Variants in RAB6B observed in about 807,000 individuals in gnomAD.
RAB6B encodes the protein ras-related protein Rab-6B.
RAB6B carries 7 observed loss-of-function variants against 31.2 expected under a neutral mutation model. The ratio of observed to expected loss-of-function variants is 0.22; its 90% confidence interval spans 0.13 to 0.42. RAB6B has a LOEUF of 0.42. Among genes scored for constraint, RAB6B ranks in the 10% least tolerant of loss-of-function variants. The pLI, the probability that RAB6B is intolerant of heterozygous loss-of-function variation, is 1.00. For missense variants in RAB6B, 149 were observed against 280.6 expected (o/e 0.53, Z 3.35); for synonymous variants, 105 against 104.9 (o/e 1.00, Z -0.01).
intron 1 of RAB6B, among the ~76,000 whole-genome samples, chr3:133,890,834 A>C (rs1267196591): frequency 2.6e-5 from 4 of 152,226 alleles, no homozygotes; most frequent in African/African-American, 4.8e-5. Flanking sequence ...GTACCTGAAA[A>C]AGTTAACATT....
Position 133,828,113 on chromosome 3 carries a change from G to T in RAB6B, c.*675C>A. 6.3e-6 allele frequency: 4 copies of T among 637,334 alleles called. No individual in the cohort carries two copies. Among genetic ancestry groups the T allele is most frequent in the Non-Finnish European group, 1.1e-5 (4 of 350,900 alleles). The allele number at this position is 637,334 out of a possible 1,614,324, so 39.5% of individuals were successfully genotyped here. A position where few individuals can be genotyped will look rare whatever the true frequency, so the allele number is the denominator to read the frequency against. On this transcript the variant is annotated 3_prime_UTR_variant, in exon 8 of 8. Transcript: ENST00000285208. ...AAGGAGAGGTGGGAGCAGTTCCTCT[G>T]GGGGCTGCTGCCGGGCTGCCTAGAG...
rs540150768 is a variant in RAB6B at position 133,831,674 on chromosome 3, G to C, written c.563-2822C>G. On this transcript the variant is annotated intron_variant, in intron 7 of 7. Transcript: ENST00000285208. ...GGACCCATGTCTAAATAATGTCCCA[G>C]AAGGGGAAACTCACGGTTTCTCACA... 1.4e-4 allele frequency among the ~76,000 whole-genome samples: 21 copies of C among 152,342 alleles called. No individual in the cohort carries two copies. The South Asian group carries it at 4.3e-3, about 32-fold the overall frequency.
At chr3:133,889,028 G>A (rs142491430) in intron 1 of RAB6B, among the ~76,000 whole-genome samples, 25 of 152,266 alleles carry the variant, frequency 1.6e-4, no homozygotes, top group Admixed American at 6.5e-4. Flanking sequence ...AATGGCAGAC[G>A]CAGAGAAAAT....
In RAB6B at chr3:133,895,481, G is replaced by A; in HGVS notation, c.-15C>T. The A allele has an allele frequency of 1.2e-6, 2 of 1,611,510 alleles. No homozygotes were observed. The highest frequency in any genetic ancestry group is 1.7e-6 in the Non-Finnish European group (2 of 1,178,768). ...CCTGCGGACATGGTGCTGGCAGCCGGGGCCGGGAGAGGAGGAGGAGGAAAA... is the reference window on the plus strand; with the variant it reads ...CCTGCGGACATGGTGCTGGCAGCCGAGGCCGGGAGAGGAGGAGGAGGAAAA... On this transcript the variant is annotated 5_prime_UTR_variant, in exon 1 of 8. Coordinates refer to ENST00000285208, the MANE Select transcript of RAB6B (RefSeq NM_016577.4).
rs1176822717 is a variant in RAB6B, at chr3:133,828,522, A to T, written c.*266T>A. 1.9e-5 allele frequency: 9 copies of T among 479,340 alleles called. No homozygotes were observed. The highest frequency in any genetic ancestry group is 7.8e-5 in the Admixed American group (2 of 25,782). The allele number at this position is 479,340 out of a possible 1,614,324, so 29.7% of individuals were successfully genotyped here. A position where few individuals can be genotyped will look rare whatever the true frequency, so the allele number is the denominator to read the frequency against. Reference sequence around the variant, plus strand: ...TATACACATGATTTAAATTTTTTTTAAATTTTAACAGTTTTTGGCAATCTT... The same window carrying T: ...TATACACATGATTTAAATTTTTTTTTAATTTTAACAGTTTTTGGCAATCTT... On this transcript the variant is annotated 3_prime_UTR_variant, in exon 8 of 8. Coordinates refer to ENST00000285208, the MANE Select transcript of RAB6B (RefSeq NM_016577.4).
chr3:133,884,108 A>G (rs1936505925), intron 1 of RAB6B, among the ~76,000 whole-genome samples: 1 of 152,214 alleles, frequency 6.6e-6, no homozygotes, highest in Admixed American at 6.5e-5. Flanking sequence ...GTGACTGAAA[A>G]ATGCTGTAAT....
chr3:133,872,226 C>T (rs763110706), intron 1 of RAB6B, among the ~76,000 whole-genome samples: 28 of 152,364 alleles, frequency 1.8e-4, no homozygotes, highest in Non-Finnish European at 3.8e-4. Flanking sequence ...CCAGTCCTAG[C>T]AGAGACCCGC....
In RAB6B at chr3:133,895,776, G is replaced by C. The variant is rs1337880808; in HGVS notation, c.-310C>G. On this transcript the variant is annotated 5_prime_UTR_variant, in exon 1 of 8. Transcript: ENST00000285208. Reference sequence around the variant, plus strand: ...AGGCGCGGCGCTGGGAGAGAGGCGCGGGCGGAGCGGGGCGCAGGGACGGCG... The same window carrying C: ...AGGCGCGGCGCTGGGAGAGAGGCGCCGGCGGAGCGGGGCGCAGGGACGGCG... 2.8e-6 allele frequency: 1 copy of C among 361,558 alleles called. No homozygotes were observed. Among genetic ancestry groups the C allele is most frequent in the African/African-American group, 2.1e-5 (1 of 46,680 alleles). The allele number at this position is 361,558 out of a possible 1,614,324, so 22.4% of individuals were successfully genotyped here.
rs1559917479 is a variant in RAB6B at position 133,895,588 on chromosome 3, G to A, written c.-122C>T. ...GGAGCCGGAGGGGGAAGGGCTGGCT[G>A]CGCGCGTCCCTGACTCCCCAGCTGC... On this transcript the variant is annotated 5_prime_UTR_variant, in exon 1 of 8. Coordinates refer to ENST00000285208, the MANE Select transcript of RAB6B (RefSeq NM_016577.4). 2.1e-6 allele frequency: 2 copies of A among 963,026 alleles called. No individual in the cohort carries two copies. Among genetic ancestry groups the A allele is most frequent in the Non-Finnish European group, 3.2e-6 (2 of 634,376 alleles). 59.7% of individuals were successfully genotyped at this position (963,026 alleles called of 1,614,324 possible).
chr3:133,893,082 C>T (rs528892586), intron 1 of RAB6B, among the ~76,000 whole-genome samples: 2 of 152,348 alleles, frequency 1.3e-5, no homozygotes, highest in African/African-American at 4.8e-5. Context: ...ATAGCAGTGA[C>T]TCTCTAATGA....
Position 133,825,026 on chromosome 3 carries a change from C to T in RAB6B, c.*3762G>A, listed in dbSNP as rs138782778. Reference sequence around the variant, plus strand: ...GCTTCACATAGCTGTAACAAGGTGACAATGCCTCACATTCTTTGGGGAGAG... The same window carrying T: ...GCTTCACATAGCTGTAACAAGGTGATAATGCCTCACATTCTTTGGGGAGAG... On this transcript the variant is annotated 3_prime_UTR_variant, in exon 8 of 8. Transcript: ENST00000285208. The T allele has an allele frequency of 6.6e-6, 1 of 152,286 alleles. No individual in the cohort carries two copies. The highest frequency in any genetic ancestry group is 1.5e-5 in the Non-Finnish European group (1 of 68,030). The allele number at this position is 152,286 out of a possible 1,614,324, so 9.4% of individuals were successfully genotyped here. A position where few individuals can be genotyped will look rare whatever the true frequency, so the allele number is the denominator to read the frequency against.
At position 133,842,796 on chromosome 3, in the gene RAB6B, C is replaced by G. The variant is rs1454545968; in HGVS notation, c.130-1133G>C. Reference sequence around the variant, plus strand: ...GGTCTGAATAGTGACAGAGCATTTTCTTTCCTTCATTACACTCCTTCATTA... The same window carrying G: ...GGTCTGAATAGTGACAGAGCATTTTGTTTCCTTCATTACACTCCTTCATTA... On this transcript the variant is annotated intron_variant, in intron 2 of 7. Coordinates refer to ENST00000285208, the MANE Select transcript of RAB6B (RefSeq NM_016577.4). 2.0e-5 allele frequency among the ~76,000 whole-genome samples: 3 copies of G among 152,232 alleles called. No homozygotes were observed. The East Asian group carries it at 5.8e-4, about 29-fold the overall frequency.
At chr3:133,859,993 C>G (rs180890397) in intron 2 of RAB6B, among the ~76,000 whole-genome samples, 1 of 152,120 alleles carries the variant, frequency 6.6e-6, no homozygotes, top group Non-Finnish European at 1.5e-5. Flanking sequence ...CTCACCAGGT[C>G]GAGATGCTGG....
intron 1 of RAB6B, among the ~76,000 whole-genome samples, chr3:133,890,960 G>C (rs1030745774): frequency 1.3e-5 from 2 of 152,350 alleles, no homozygotes; most frequent in East Asian, 3.9e-4. Context: ...GTGTGGCCAG[G>C]TGGGCTGGTA....
intron 1 of RAB6B, among the ~76,000 whole-genome samples, chr3:133,885,294 A>C (rs897690609): frequency 1.3e-5 from 2 of 148,618 alleles, no homozygotes; most frequent in Non-Finnish European, 3.0e-5. Flanking sequence ...ATACCCAATG[A>C]CCAGAGTATA....
chr3:133,838,679 G>A (rs1432930516), intron 5 of RAB6B, among the ~76,000 whole-genome samples: 2 of 152,194 alleles, frequency 1.3e-5, no homozygotes, highest in Non-Finnish European at 2.9e-5. Context: ...GGGCCACAAA[G>A]CTACTTAGCA....
chr3:133,877,431 A>T (rs1936411727), intron 1 of RAB6B, among the ~76,000 whole-genome samples: 1 of 152,238 alleles, frequency 6.6e-6, no homozygotes, highest in South Asian at 2.1e-4. Context: ...GGAAAGTCTC[A>T]TCATTTACGG....
chr3:133,895,383 A>T lies in RAB6B; in HGVS notation c.70+14T>A. Reference sequence around the variant, plus strand: ...GACTCGGCGACAAGCCAAGAGATTAAGCCGGGTACTTACCGCTCTGCTCCC... The same window carrying T: ...GACTCGGCGACAAGCCAAGAGATTATGCCGGGTACTTACCGCTCTGCTCCC... On this transcript the variant is annotated intron_variant, in intron 1 of 7. Transcript: ENST00000285208. 2 of 1,608,940 alleles carry T rather than the reference A, an allele frequency of 1.2e-6. No individual in the cohort carries two copies. The highest frequency in any genetic ancestry group is 1.7e-6 in the Non-Finnish European group (2 of 1,177,394).
chr3:133,864,517 T>A, intron 2 of RAB6B, 67 bp downstream of exon 2: 2 of 1,524,344 alleles, frequency 1.3e-6, no homozygotes. Context: ...CCACCCCAGC[T>A]CAGCAAGTTT....
Sources: allele counts gnomAD v4.1 joint callset (sites outside exome capture counted in the v4.1 genomes callset), GRCh38; gene constraint gnomAD v4.1.1; transcripts MANE v1.5; gene names NCBI Gene and HGNC (gene_info 2026-07-23, HGNC 2026-07-21).